Variants in HS3ST3A1 observed in about 807,000 individuals in gnomAD.
HS3ST3A1 encodes heparan sulfate-glucosamine 3-sulfotransferase 3A1, also known as heparan sulfate glucosamine 3-O-sulfotransferase 3A1.
HS3ST3A1 carries 19 observed loss-of-function variants against 25.7 expected under a neutral mutation model. That is an observed-to-expected ratio of 0.74 (90% CI 0.52 to 1.08). HS3ST3A1 has a LOEUF of 1.08. HS3ST3A1 is among the 50% of genes least tolerant of loss of function. The pLI is 0.00. For synonymous variants in HS3ST3A1, 226 were observed against 278.6 expected, an observed-to-expected ratio of 0.81 and a Z score of 1.88; for missense variants, 459 against 594.3, an observed-to-expected ratio of 0.77 and a Z score of 2.37.
intron 1 of HS3ST3A1, among the ~76,000 whole-genome samples, chr17:13,513,466 G>A (rs948533032): frequency 2.6e-5 from 4 of 152,158 alleles, no homozygotes; most frequent in Non-Finnish European, 4.4e-5. Flanking sequence ...AAAATTCCCA[G>A]AGAAGCACAA....
intron 1 of HS3ST3A1, among the ~76,000 whole-genome samples, chr17:13,507,087 C>CAAAA (rs1905708585): frequency 1.5e-5 from 2 of 129,716 alleles, no homozygotes; most frequent in Non-Finnish European, 1.6e-5. Flanking sequence ...AAAAAAAAAA[C>CAAAA]AAAAAAAGAT....
chr17:13,593,857 A>G (rs1179592368), intron 1 of HS3ST3A1, among the ~76,000 whole-genome samples: 3 of 152,182 alleles, frequency 2.0e-5, no homozygotes, highest in Non-Finnish European at 4.4e-5. Context: ...CGTTGGTATA[A>G]TGTTATTAAC....
At chr17:13,591,661 CTTTT>C (rs34995100) in intron 1 of HS3ST3A1, among the ~76,000 whole-genome samples, 19,053 of 142,196 alleles carry the variant, frequency 0.13, 1,275 homozygotes, top group African/African-American at 0.15. Context: ...TTTTCTTCTT[CTTTT>C]TTTTTTTTTT....
intron 1 of HS3ST3A1, among the ~76,000 whole-genome samples, chr17:13,591,051 T>TTC (rs1555543260): frequency 7.4e-5 from 11 of 148,650 alleles, no homozygotes; most frequent in Admixed American, 2.0e-4. Flanking sequence ...TTCTTTTCTT[T>TTC]TTTTTTTTTT....
rs930204559 is a variant in HS3ST3A1 at position 13,495,293 on chromosome 17, G to A, written c.*904C>T. Among the ~76,000 whole-genome samples, 3 of 152,062 alleles carry A rather than the reference G, an allele frequency of 2.0e-5. No homozygotes were observed. The highest frequency in any genetic ancestry group is 6.6e-5 in the Admixed American group (1 of 15,254). On this transcript the variant is annotated 3_prime_UTR_variant, in exon 2 of 2. Coordinates refer to ENST00000284110, the MANE Select transcript of HS3ST3A1 (RefSeq NM_006042.3). ...ATTCAATCAAGCATTCATCAGTCAA[G>A]ATTTCCATATCTCAGTGTACTTTAA...
chr17:13,502,880 GAA>G (rs35611722), intron 1 of HS3ST3A1, among the ~76,000 whole-genome samples: 5,929 of 143,962 alleles, frequency 0.041, 150 homozygotes, highest in East Asian at 0.063. Context: ...TAACTATAAT[GAA>G]AAAAAAAAAA....
intron 1 of HS3ST3A1, among the ~76,000 whole-genome samples, chr17:13,577,794 A>C (rs1389141298): frequency 6.6e-6 from 1 of 152,204 alleles, no homozygotes; most frequent in East Asian, 1.9e-4. Context: ...TACCATTTGC[A>C]TCAAGTTCAG....
At chr17:13,525,663 A>G (rs1391878724) in intron 1 of HS3ST3A1, among the ~76,000 whole-genome samples, 1 of 152,170 alleles carries the variant, frequency 6.6e-6, no homozygotes, top group East Asian at 1.9e-4. Context: ...GGAAGGCAGG[A>G]CATTCATTCT....
intron 1 of HS3ST3A1, among the ~76,000 whole-genome samples, chr17:13,579,058 C>CA (rs1320781207): frequency 2.0e-5 from 3 of 151,822 alleles, no homozygotes; most frequent in Admixed American, 1.3e-4. Context: ...TGTATCTTTT[C>CA]AAAAAAGAAA....
chr17:13,541,421 C>G (rs1387739215), intron 1 of HS3ST3A1, among the ~76,000 whole-genome samples: 1 of 152,164 alleles, frequency 6.6e-6, no homozygotes, highest in Non-Finnish European at 1.5e-5. Flanking sequence ...ATTATTCTAA[C>G]CTCATCCTGG....
intron 1 of HS3ST3A1, among the ~76,000 whole-genome samples, chr17:13,502,326 C>G (rs1298002313): frequency 6.6e-6 from 1 of 152,144 alleles, no homozygotes; most frequent in Non-Finnish European, 1.5e-5. Flanking sequence ...AGGGGACAGA[C>G]CTGCCTCCAT....
At chr17:13,522,984 A>T (rs1017958648) in intron 1 of HS3ST3A1, among the ~76,000 whole-genome samples, 3 of 152,116 alleles carry the variant, frequency 2.0e-5, no homozygotes, top group Non-Finnish European at 4.4e-5. Context: ...GCTAAAACAG[A>T]CAGCTAGGGT....
Position 13,601,136 on chromosome 17 carries a change from C to T in HS3ST3A1, c.-7G>A, listed in dbSNP as rs373231610. The T allele has an allele frequency of 6.6e-6, 10 of 1,518,504 alleles. No individual in the cohort carries two copies. Among genetic ancestry groups the T allele is most frequent in the Admixed American group, 4.3e-5 (2 of 46,138 alleles). 94.1% of individuals were successfully genotyped at this position (1,518,504 alleles called of 1,614,324 possible). A position where few individuals can be genotyped will look rare whatever the true frequency, so the allele number is the denominator to read the frequency against. ...CCGGGCCCGGAGGGGCCATCCTAGC[C>T]GGAGGCGACGTCGGGCAACGCGCCG... On this transcript the variant is annotated 5_prime_UTR_variant, in exon 1 of 2. Coordinates refer to ENST00000284110, the MANE Select transcript of HS3ST3A1 (RefSeq NM_006042.3).
chr17:13,561,149 G>A (rs1171649583), intron 1 of HS3ST3A1, among the ~76,000 whole-genome samples: 1 of 152,102 alleles, frequency 6.6e-6, no homozygotes, highest in African/African-American at 2.4e-5. Flanking sequence ...GAAATCACTG[G>A]GGACAGAACA....
At chr17:13,510,677 C>T (rs953770911) in intron 1 of HS3ST3A1, among the ~76,000 whole-genome samples, 1 of 151,768 alleles carries the variant, frequency 6.6e-6, no homozygotes, top group Non-Finnish European at 1.5e-5. Context: ...ATTTGCCATC[C>T]TCACCCTGTG....
intron 1 of HS3ST3A1, among the ~76,000 whole-genome samples, chr17:13,565,915 C>T (rs1354092599): frequency 2.0e-5 from 3 of 152,112 alleles, no homozygotes; most frequent in African/African-American, 7.2e-5. Context: ...GTGTGTAAAC[C>T]ACCCTTTTAC....
intron 1 of HS3ST3A1, among the ~76,000 whole-genome samples, chr17:13,567,051 C>T (rs899438075): frequency 2.0e-5 from 3 of 152,188 alleles, no homozygotes; most frequent in African/African-American, 7.2e-5. Context: ...TAATACCTGG[C>T]TTCAAAGTTT....
chr17:13,551,690 TCAAA>T (rs937938884), intron 1 of HS3ST3A1, among the ~76,000 whole-genome samples: 38 of 152,236 alleles, frequency 2.5e-4, no homozygotes, highest in African/African-American at 8.9e-4. Context: ...ATGCTTGTCC[TCAAA>T]CAGCTTCCCA....
chr17:13,530,974 C>A (rs1391229095), intron 1 of HS3ST3A1, among the ~76,000 whole-genome samples: 2 of 152,144 alleles, frequency 1.3e-5, no homozygotes, highest in African/African-American at 4.8e-5. Flanking sequence ...ACTTTCACAT[C>A]CTGATAAACA....
Sources: gnomAD v4.1 joint callset for allele counts (sites outside exome capture counted in the v4.1 genomes callset) on GRCh38, gnomAD v4.1.1 for gene constraint, MANE v1.5 for transcripts, NCBI Gene and HGNC (gene_info 2026-07-23, HGNC 2026-07-21) for gene names.